Variants in KCNH7 observed in about 807,000 individuals in gnomAD.
KCNH7 encodes potassium voltage-gated channel subfamily H member 7, also known as voltage-gated inwardly rectifying potassium channel KCNH7.
In KCNH7, 49 loss-of-function variants were observed where a neutral mutation model predicts 120.8. The observed-to-expected ratio is 0.41, with a 90% CI of 0.32 to 0.51. KCNH7 has a LOEUF of 0.51. Among genes scored for constraint, KCNH7 ranks in the 20% least tolerant of loss-of-function variants. The pLI is 0.38. For synonymous variants in KCNH7, 547 were observed against 516.1 expected, an observed-to-expected ratio of 1.06 and a Z score of -0.81; for missense variants, 1,097 against 1,446.6, an observed-to-expected ratio of 0.76 and a Z score of 3.92.
At chr2:162,485,523 G>A (rs1397951368) in intron 6 of KCNH7, among the ~76,000 whole-genome samples, 1 of 152,118 alleles carries the variant, frequency 6.6e-6, no homozygotes, top group Non-Finnish European at 1.5e-5. Flanking sequence ...AAAATTAAAG[G>A]AAACTCTACA....
chr2:162,447,944 A>C (rs1294443401), intron 6 of KCNH7, among the ~76,000 whole-genome samples: 8 of 152,132 alleles, frequency 5.3e-5, no homozygotes, highest in Admixed American at 5.3e-4. Flanking sequence ...TACTTTAACT[A>C]GTTTTCAAAA....
At chr2:162,552,433 C>T (rs905698037) in intron 2 of KCNH7, among the ~76,000 whole-genome samples, 2 of 152,086 alleles carry the variant, frequency 1.3e-5, no homozygotes, top group African/African-American at 2.4e-5. Flanking sequence ...ACAGGAAAAT[C>T]GGGCATCTCT....
At chr2:162,467,020 A>C (rs1689332446) in intron 6 of KCNH7, among the ~76,000 whole-genome samples, 1 of 152,130 alleles carries the variant, frequency 6.6e-6, no homozygotes, top group African/African-American at 2.4e-5. Flanking sequence ...ATTCTGTTTG[A>C]CTTCAGGATG....
chr2:162,466,175 G>C (rs1689298557), intron 6 of KCNH7, among the ~76,000 whole-genome samples: 1 of 152,152 alleles, frequency 6.6e-6, no homozygotes, highest in Non-Finnish European at 1.5e-5. Context: ...GCACAAGAGA[G>C]ACACTATATA....
At chr2:162,675,759 C>T (rs1443874000) in intron 2 of KCNH7, among the ~76,000 whole-genome samples, 3 of 151,526 alleles carry the variant, frequency 2.0e-5, no homozygotes, top group Non-Finnish European at 4.4e-5. Flanking sequence ...GGGAGGACTA[C>T]TTAAGCTGAG....
At chr2:162,596,560 T>C (rs1694387260) in intron 2 of KCNH7, among the ~76,000 whole-genome samples, 1 of 151,930 alleles carries the variant, frequency 6.6e-6, no homozygotes, top group Non-Finnish European at 1.5e-5. Flanking sequence ...TCACCCAAAA[T>C]GAATTAAAGC....
At chr2:162,819,509 T>C (rs1473238478) in intron 2 of KCNH7, among the ~76,000 whole-genome samples, 2 of 152,348 alleles carry the variant, frequency 1.3e-5, no homozygotes, top group South Asian at 2.1e-4. Context: ...TTTGCAACTC[T>C]TCTGTAGGTC....
rs1384703409 is a variant in KCNH7, at chr2:162,702,829, A to G, written c.307+133708T>C. 3.9e-5 allele frequency among the ~76,000 whole-genome samples: 6 copies of G among 152,228 alleles called. No individual in the cohort carries two copies. In the East Asian group the frequency reaches 1.2e-3, roughly 29 times the overall value. ...CACTTGAAGTTTACCTCTTCCAGGT[A>G]AACTTTCTTCATCCTCTCTGGTCAT... On this transcript the variant is annotated intron_variant, in intron 2 of 15. Transcript: ENST00000332142.
chr2:162,719,441 A>G (rs576905047), intron 2 of KCNH7, among the ~76,000 whole-genome samples: 14 of 152,064 alleles, frequency 9.2e-5, no homozygotes, highest in Non-Finnish European at 1.3e-4. Context: ...ATGTCAAAAT[A>G]CTAACAATGG....
chr2:162,547,980 A>G (rs2105850641), intron 2 of KCNH7, among the ~76,000 whole-genome samples: 1 of 152,212 alleles, frequency 6.6e-6, no homozygotes, highest in East Asian at 1.9e-4. Context: ...GTGATGATAT[A>G]GAAGCAGAAA....
At chr2:162,483,692 C>A (rs187182896) in intron 6 of KCNH7, among the ~76,000 whole-genome samples, 22 of 152,124 alleles carry the variant, frequency 1.4e-4, no homozygotes, top group Admixed American at 1.3e-3. Context: ...ATTTTCATTA[C>A]TGTGTTAAAA....
chr2:162,628,697 G>GT (rs202098860), intron 2 of KCNH7, among the ~76,000 whole-genome samples: 2,609 of 151,762 alleles, frequency 0.017, 85 homozygotes, highest in African/African-American at 0.059. Flanking sequence ...TGCAGTATTT[G>GT]TTTTTTTTGT....
chr2:162,740,949 C>T (rs957583139), intron 2 of KCNH7, among the ~76,000 whole-genome samples: 1 of 152,104 alleles, frequency 6.6e-6, no homozygotes, highest in Non-Finnish European at 1.5e-5. Flanking sequence ...GGTTTGTTGT[C>T]ATCTCAAGGA....
Position 162,644,265 on chromosome 2 carries a change from A to C in KCNH7, c.308-107185T>G, listed in dbSNP as rs553165695. Reference sequence around the variant, plus strand: ...TAGCAAGTAAGAAGTGATTTAAATAAGAAGAAACTGATAGTGGTGTGTCTT... The same window carrying C: ...TAGCAAGTAAGAAGTGATTTAAATACGAAGAAACTGATAGTGGTGTGTCTT... On this transcript the variant is annotated intron_variant, in intron 2 of 15. Coordinates refer to ENST00000332142, the MANE Select transcript of KCNH7 (RefSeq NM_033272.4). Among the ~76,000 whole-genome samples, 16 of 145,758 alleles carry C rather than the reference A, an allele frequency of 1.1e-4. No individual in the cohort carries two copies. In the South Asian group the frequency reaches 3.7e-3, roughly 34 times the overall value.
chr2:162,479,948 A>C (rs1482992247), intron 6 of KCNH7, among the ~76,000 whole-genome samples: 3 of 152,148 alleles, frequency 2.0e-5, no homozygotes, highest in African/African-American at 4.8e-5. Flanking sequence ...ATGTCATCTT[A>C]GATTTCATTT....
intron 2 of KCNH7, among the ~76,000 whole-genome samples, chr2:162,688,352 G>C (rs1468333735): frequency 6.6e-6 from 1 of 151,996 alleles, no homozygotes; most frequent in Non-Finnish European, 1.5e-5. Flanking sequence ...CACCCATAAA[G>C]CTCTACTGGC....
chr2:162,835,800 G>A (rs989056059), intron 2 of KCNH7, among the ~76,000 whole-genome samples: 2 of 152,020 alleles, frequency 1.3e-5, no homozygotes, highest in East Asian at 1.9e-4. Flanking sequence ...TAACTCTTAC[G>A]GCTCTCATAG....
At chr2:162,520,580 C>T (rs1691485455) in intron 3 of KCNH7, among the ~76,000 whole-genome samples, 1 of 151,574 alleles carries the variant, frequency 6.6e-6, no homozygotes, top group African/African-American at 2.4e-5. Context: ...GGCAACATAG[C>T]AAGAACCCCC....
chr2:162,752,969 A>AAAAGAAAAGAAAAGAAAAGAAAAG (rs1688639706), intron 2 of KCNH7, among the ~76,000 whole-genome samples: 2 of 118,014 alleles, frequency 1.7e-5, no homozygotes, highest in African/African-American at 4.7e-5. Context: ...AAAAGAAAAG[A>AAAAGAAAAGAAAAGAAAAGAAAAG]AAAGAAAAGA....
Sources: gnomAD v4.1 joint callset for allele counts (sites outside exome capture counted in the v4.1 genomes callset) on GRCh38, gnomAD v4.1.1 for gene constraint, MANE v1.5 for transcripts, NCBI Gene and HGNC (gene_info 2026-07-23, HGNC 2026-07-21) for gene names.